RANBP2: variants seen among roughly 807,000 people sequenced by gnomAD.
RANBP2 encodes the protein RAN binding protein 2.
Under a neutral mutation model 303.6 loss-of-function variants are expected in RANBP2, and 57 were observed. The ratio of observed to expected loss-of-function variants is 0.19; its 90% confidence interval spans 0.15 to 0.23. The LOEUF (loss-of-function observed/expected upper bound fraction) is 0.23. Among genes scored for constraint, RANBP2 ranks in the 10% least tolerant of loss-of-function variants. RANBP2 has a pLI of 1.00. For synonymous variants in RANBP2, 1,167 were observed against 1,301.5 expected (o/e 0.90, Z 2.23); for missense variants, 3,138 against 3,780.8 (o/e 0.83, Z 4.46).
At chr2:109,128,927 C>A in the RANBP2 span, 1 of 378,952 alleles carries the variant, frequency 2.6e-6, no homozygotes, top group Non-Finnish European at 5.3e-6. Context: ...CCTGCAGGCA[C>A]GGCGCCTCCT....
chr2:109,622,776 G>A, the RANBP2 span, among the ~76,000 whole-genome samples: 2 of 152,104 alleles, frequency 1.3e-5, no homozygotes, highest in Non-Finnish European at 2.9e-5. Context: ...CAGCAACACG[G>A]CATCTGGTTT....
chr2:109,514,086 G>T, the RANBP2 span, among the ~76,000 whole-genome samples: 1 of 152,184 alleles, frequency 6.6e-6, no homozygotes, highest in Non-Finnish European at 1.5e-5. Context: ...ACGGTCCTTA[G>T]AAAGGCAGTA....
the RANBP2 span, among the ~76,000 whole-genome samples, chr2:109,167,219 G>A: frequency 6.6e-6 from 1 of 152,268 alleles, no homozygotes; most frequent in East Asian, 1.9e-4. Flanking sequence ...GGATGATGGC[G>A]GAGAAAAGTG....
the RANBP2 span, among the ~76,000 whole-genome samples, chr2:109,012,793 A>C: frequency 6.6e-6 from 1 of 152,150 alleles, no homozygotes; most frequent in African/African-American, 2.4e-5. Context: ...GGGAGCCTGT[A>C]ATCCCAGCTA....
the RANBP2 span, among the ~76,000 whole-genome samples, chr2:108,851,274 T>C: frequency 6.6e-6 from 1 of 152,036 alleles, no homozygotes; most frequent in Admixed American, 6.6e-5. Context: ...TCTGAACCCA[T>C]TTCTCTGGGG....
the RANBP2 span, among the ~76,000 whole-genome samples, chr2:109,639,334 G>A: frequency 6.6e-6 from 1 of 152,090 alleles, no homozygotes; most frequent in South Asian, 2.1e-4. Flanking sequence ...AAGAAATATT[G>A]GCTCAGCTGG....
the RANBP2 span, among the ~76,000 whole-genome samples, chr2:109,640,161 A>G: frequency 6.6e-6 from 1 of 150,868 alleles, no homozygotes; most frequent in Non-Finnish European, 1.5e-5. Flanking sequence ...CTTAGAAATG[A>G]TATGCTTCCA....
At chr2:109,232,406 G>A in the RANBP2 span, among the ~76,000 whole-genome samples, 44 of 152,240 alleles carry the variant, frequency 2.9e-4, 1 homozygote, top group South Asian at 9.1e-3. Context: ...GTGTTACCTG[G>A]CTGAGTCACT....
At chr2:109,291,443 A>G in the RANBP2 span, among the ~76,000 whole-genome samples, 2 of 152,214 alleles carry the variant, frequency 1.3e-5, no homozygotes, top group Admixed American at 6.5e-5. Context: ...GCTGCCGTGC[A>G]GGAGTCAGAT....
chr2:109,411,420 C>T, the RANBP2 span, among the ~76,000 whole-genome samples: 1 of 152,214 alleles, frequency 6.6e-6, no homozygotes, highest in Non-Finnish European at 1.5e-5. Context: ...TTCTGTACAG[C>T]TGGGCCTGTG....
the RANBP2 span, chr2:109,432,383 C>G: frequency 3.1e-6 from 4 of 1,309,900 alleles, no homozygotes; most frequent in Admixed American, 8.3e-5. Flanking sequence ...CCCCCATAGA[C>G]TCTAGTGGGT....
chr2:109,246,613 T>C, the RANBP2 span, among the ~76,000 whole-genome samples: 5 of 152,342 alleles, frequency 3.3e-5, no homozygotes, highest in East Asian at 9.6e-4. Flanking sequence ...AGCCTTCCTT[T>C]CCACACACAG....
At chr2:109,730,407 G>C in the RANBP2 span, among the ~76,000 whole-genome samples, 1 of 152,174 alleles carries the variant, frequency 6.6e-6, no homozygotes, top group Non-Finnish European at 1.5e-5. Flanking sequence ...ACTTCAGAAA[G>C]AAGAATGACT....
chr2:109,081,227 C>T, the RANBP2 span, among the ~76,000 whole-genome samples: 1 of 152,184 alleles, frequency 6.6e-6, no homozygotes, highest in Non-Finnish European at 1.5e-5. Flanking sequence ...AATGCAGTTA[C>T]TAGAAAATTT....
chr2:108,877,482 ATAAAT>A, the RANBP2 span, among the ~76,000 whole-genome samples: 1 of 152,066 alleles, frequency 6.6e-6, no homozygotes, highest in African/African-American at 2.4e-5. Context: ...ATAAAAATAA[ATAAAT>A]AAAATAAAAA....
chr2:109,041,525 AT>A, the RANBP2 span, among the ~76,000 whole-genome samples: 16 of 142,010 alleles, frequency 1.1e-4, no homozygotes, highest in African/African-American at 3.1e-4. Context: ...ACGGATGTTA[AT>A]TTTTTTTTTT....
downstream of RANBP2, among the ~76,000 whole-genome samples, chr2:108,786,522 G>A (rs1328894679): frequency 1.3e-5 from 2 of 152,206 alleles, no homozygotes; most frequent in African/African-American, 4.8e-5. Context: ...GCGGAGCGCT[G>A]CAGGCAGGTG....
the RANBP2 span, among the ~76,000 whole-genome samples, chr2:108,872,576 A>G: frequency 1.3e-5 from 2 of 152,164 alleles, no homozygotes; most frequent in South Asian, 2.1e-4. Context: ...AATGGCGTAT[A>G]TTCTAGAGGC....
At chr2:109,350,046 A>G in the RANBP2 span, among the ~76,000 whole-genome samples, 18 of 152,244 alleles carry the variant, frequency 1.2e-4, no homozygotes, top group Non-Finnish European at 2.6e-4. Context: ...CACGAGCTGC[A>G]TCGGATCACC....
Sources: gnomAD v4.1 joint callset for allele counts (sites outside exome capture counted in the v4.1 genomes callset) on GRCh38, gnomAD v4.1.1 for gene constraint, MANE v1.5 for transcripts, NCBI Gene and HGNC (gene_info 2026-07-23, HGNC 2026-07-21) for gene names.